BAZ2B: variants seen among roughly 807,000 people sequenced by gnomAD.
The protein encoded by BAZ2B is bromodomain adjacent to zinc finger domain protein 2B.
A neutral mutation model predicts 246.0 loss-of-function variants in BAZ2B; 91 were observed. The ratio of observed to expected loss-of-function variants is 0.37; its 90% CI spans 0.31 to 0.44. The LOEUF (loss-of-function observed/expected upper bound fraction) is 0.44. Ranked by LOEUF, BAZ2B falls within the 20% of genes least tolerant of loss-of-function variation. BAZ2B has a pLI of 1.00. For missense variants in BAZ2B, 2,332 were observed against 2,533.7 expected, an observed-to-expected ratio of 0.92 and a Z score of 1.71; for synonymous variants, 855 against 860.0, an observed-to-expected ratio of 0.99 and a Z score of 0.10.
the BAZ2B span, among the ~76,000 whole-genome samples, chr2:159,652,636 A>T: frequency 6.6e-6 from 1 of 152,088 alleles, no homozygotes; most frequent in Non-Finnish European, 1.5e-5. Context: ...TTGAGACAGT[A>T]TCTTGCTCTA....
Position 159,433,040 on chromosome 2 carries a change from TGTACTC to T in BAZ2B, c.1611_1616del (p.Thr539_Ser540del), listed in dbSNP as rs1192194905. The T allele has an allele frequency of 6.2e-7, 1 of 1,614,194 alleles. No homozygotes were observed. The highest frequency in any genetic ancestry group is 8.5e-7 in the Non-Finnish European group (1 of 1,180,022). ...GATTGCCAGGGGTTCTTCTCCCACT[TGTACTC>T]AGATTTACAGGTGAGGAAAAAGGGG... On this transcript the variant is annotated inframe_deletion, in exon 9 of 37. Coordinates refer to ENST00000392783, the MANE Select transcript of BAZ2B (RefSeq NM_013450.4).
At chr2:159,551,200 T>G (rs930465526) in intron 2 of BAZ2B, among the ~76,000 whole-genome samples, 1 of 151,566 alleles carries the variant, frequency 6.6e-6, no homozygotes, top group Non-Finnish European at 1.5e-5. Context: ...CCGGGCACGG[T>G]GGCTCACGCC....
At chr2:159,384,849 C>T (rs2149527387) in intron 23 of BAZ2B, among the ~76,000 whole-genome samples, 1 of 151,912 alleles carries the variant, frequency 6.6e-6, no homozygotes, top group South Asian at 2.1e-4. Context: ...CATTCTGGTA[C>T]CATAGCAACT....
chr2:159,648,764 T>A, the BAZ2B span, among the ~76,000 whole-genome samples: 4 of 152,236 alleles, frequency 2.6e-5, no homozygotes, highest in Non-Finnish European at 5.9e-5. Context: ...TTACAAATCA[T>A]GTTGCTATGA....
At chr2:159,324,244 A>C (rs1362837903) in intron 36 of BAZ2B, among the ~76,000 whole-genome samples, 2 of 152,208 alleles carry the variant, frequency 1.3e-5, no homozygotes, top group Non-Finnish European at 2.9e-5. Flanking sequence ...GATTGCAAAG[A>C]GAATATGGTA....
intron 1 of BAZ2B, among the ~76,000 whole-genome samples, chr2:159,572,639 ACTT>A (rs1193614836): frequency 6.6e-6 from 1 of 152,196 alleles, no homozygotes; most frequent in African/African-American, 2.4e-5. Context: ...TGTTTGTAAC[ACTT>A]TTTAGAGCTA....
chr2:159,708,011 A>C, the BAZ2B span, among the ~76,000 whole-genome samples: 2 of 152,174 alleles, frequency 1.3e-5, no homozygotes, highest in South Asian at 4.2e-4. Flanking sequence ...TAAATAAAAA[A>C]AATAAAATAT....
At chr2:159,477,971 C>T (rs551979404) in intron 3 of BAZ2B, among the ~76,000 whole-genome samples, 22 of 152,262 alleles carry the variant, frequency 1.4e-4, no homozygotes, top group South Asian at 1.0e-3. Flanking sequence ...TACAGGCATG[C>T]GCCACCATGC....
chr2:159,391,720 T>G (rs1174314930), intron 20 of BAZ2B, among the ~76,000 whole-genome samples: 1 of 152,086 alleles, frequency 6.6e-6, no homozygotes, highest in African/African-American at 2.4e-5. Flanking sequence ...GCTGGTGACA[T>G]GCAATACTTT....
intron 2 of BAZ2B, among the ~76,000 whole-genome samples, chr2:159,540,742 G>A (rs1381773421): frequency 1.3e-5 from 2 of 152,120 alleles, no homozygotes; most frequent in Non-Finnish European, 2.9e-5. Flanking sequence ...AAGACAAAAC[G>A]ATACTTGGAA....
chr2:159,326,063 G>T (rs116726468), intron 34 of BAZ2B, 145 bp from the exon 35 acceptor site: 12,973 of 694,196 alleles, frequency 0.019, 181 homozygotes, highest in Non-Finnish European at 0.023. Flanking sequence ...TCTTAAGAAA[G>T]ATCTGTGTAT....
the BAZ2B span, among the ~76,000 whole-genome samples, chr2:159,687,303 C>T: frequency 3.9e-5 from 6 of 152,108 alleles, no homozygotes; most frequent in Non-Finnish European, 7.3e-5. Context: ...ATTTATGCTA[C>T]TAAGGTGAAC....
rs753785020 is a variant in BAZ2B, at chr2:159,349,274, C to G, written c.4870G>C (p.Gly1624Arg). ...PFALSPLQVK[G>R]GVSMMGLQFC... ...TGAAGTCCCATCATAGATACTCCACCTTTCACCTGCAAAAAGAAAACATTT... is the reference window on the plus strand; with the variant it reads ...TGAAGTCCCATCATAGATACTCCACGTTTCACCTGCAAAAAGAAAACATTT... Residue 1624 changes from glycine (G) to arginine (R), a missense_variant, in exon 29 of 37, where the codon GGT becomes CGT. Transcript: ENST00000392783. 7 of 1,586,134 alleles carry G rather than the reference C, an allele frequency of 4.4e-6. No homozygotes were observed.
At chr2:159,369,360 G>T (rs1046808580) in intron 27 of BAZ2B, among the ~76,000 whole-genome samples, 2 of 152,182 alleles carry the variant, frequency 1.3e-5, no homozygotes, top group East Asian at 3.8e-4. Context: ...GGTCAGAATT[G>T]TATACAGTCT....
intron 33 of BAZ2B, among the ~76,000 whole-genome samples, chr2:159,335,321 C>T (rs539946075): frequency 3.6e-4 from 54 of 152,070 alleles, no homozygotes; most frequent in African/African-American, 1.0e-3. Context: ...CCAAGGCAGG[C>T]GGATCATTTG....
At chr2:159,589,290 C>T (rs536043569) in intron 1 of BAZ2B, among the ~76,000 whole-genome samples, 2 of 151,526 alleles carry the variant, frequency 1.3e-5, no homozygotes, top group South Asian at 4.2e-4. Flanking sequence ...TATGGGTCTA[C>T]AATGAAGTAG....
chr2:159,476,012 C>T (rs774407920), intron 3 of BAZ2B, among the ~76,000 whole-genome samples: 6 of 152,090 alleles, frequency 3.9e-5, no homozygotes, highest in South Asian at 2.1e-4. Context: ...TCAGGATACA[C>T]GGGGGTCAGG....
At chr2:159,631,033 A>AAAAATTTT in the BAZ2B span, among the ~76,000 whole-genome samples, 1 of 152,062 alleles carries the variant, frequency 6.6e-6, no homozygotes, top group African/African-American at 2.4e-5. Context: ...AACTTTACAA[A>AAAAATTTT]AAAATTTTAA....
In BAZ2B at chr2:159,418,442, C is replaced by T. The variant is rs189340703; in HGVS notation, c.2467-5897G>A. 1.5e-3 allele frequency among the ~76,000 whole-genome samples: 221 copies of T among 152,242 alleles called. 1 individual carries two copies. Among genetic ancestry groups the T allele is most frequent in the Non-Finnish European group, 2.5e-3 (173 of 68,014 alleles). On this transcript the variant is annotated intron_variant, in intron 13 of 36. Coordinates refer to ENST00000392783, the MANE Select transcript of BAZ2B (RefSeq NM_013450.4). ...GTAAATTGCCCAATTAACTGGGTTT[C>T]CCACATTTCACTGAAAGCTAGGGTA...
Sources: gnomAD v4.1 joint callset for allele counts (sites outside exome capture counted in the v4.1 genomes callset) on GRCh38, gnomAD v4.1.1 for gene constraint, MANE v1.5 for transcripts, NCBI Gene and HGNC (gene_info 2026-07-23, HGNC 2026-07-21) for gene names.